The following NRG3 variants were observed in gnomAD, a reference collection of about 807,000 sequenced individuals.
NRG3 encodes pro-neuregulin-3, membrane-bound isoform.
A neutral mutation model predicts 66.9 loss-of-function variants in NRG3; 31 were observed. The observed-to-expected ratio is 0.46, with a 90% CI of 0.35 to 0.63. The LOEUF is 0.63. Among genes scored for constraint, NRG3 ranks in the 20% least tolerant of loss-of-function variants. The pLI, the probability that NRG3 is intolerant of heterozygous loss-of-function variation, is 0.00. For synonymous variants in NRG3, 393 were observed against 359.4 expected, an observed-to-expected ratio of 1.09 and a Z score of -1.06; for missense variants, 910 against 878.9, an observed-to-expected ratio of 1.04 and a Z score of -0.45.
At chr10:81,887,734 A>G (rs146709188) in intron 1 of NRG3, among the ~76,000 whole-genome samples, 1 of 152,142 alleles carries the variant, frequency 6.6e-6, no homozygotes. Context: ...CACAAATGCA[A>G]TGTTGGTCCA....
chr10:82,584,426 G>A (rs187775373), intron 2 of NRG3, among the ~76,000 whole-genome samples: 4 of 152,124 alleles, frequency 2.6e-5, no homozygotes, highest in Non-Finnish European at 4.4e-5. Flanking sequence ...CATTAAATTT[G>A]GGTGGCTTCC....
intron 1 of NRG3, among the ~76,000 whole-genome samples, chr10:82,007,304 G>C (rs2061411418): frequency 2.0e-5 from 3 of 150,862 alleles, no homozygotes; most frequent in African/African-American, 7.3e-5. Flanking sequence ...CCACCTCCCA[G>C]GTTCAGGTGA....
chr10:82,306,191 CTTGA>C (rs2080714585), intron 1 of NRG3, among the ~76,000 whole-genome samples: 2 of 152,136 alleles, frequency 1.3e-5, no homozygotes, highest in Admixed American at 6.5e-5. Context: ...TGTATTAACA[CTTGA>C]TCATGATGTA....
At chr10:82,802,129 C>G (rs372595795) in intron 3 of NRG3, among the ~76,000 whole-genome samples, 1 of 152,110 alleles carries the variant, frequency 6.6e-6, no homozygotes, top group Non-Finnish European at 1.5e-5. Flanking sequence ...AGTTTTTTAA[C>G]CAAATTCCTT....
intron 3 of NRG3, among the ~76,000 whole-genome samples, chr10:82,745,668 A>G (rs2058611397): frequency 6.6e-6 from 1 of 152,172 alleles, no homozygotes; most frequent in African/African-American, 2.4e-5. Context: ...TTTGATTGCT[A>G]ATATCTTCAA....
At chr10:82,168,911 C>CT (rs2072328595) in intron 1 of NRG3, among the ~76,000 whole-genome samples, 2 of 152,102 alleles carry the variant, frequency 1.3e-5, no homozygotes, top group South Asian at 4.1e-4. Flanking sequence ...TTTCTCTGGC[C>CT]TGCTGAGTCA....
intron 4 of NRG3, among the ~76,000 whole-genome samples, chr10:82,950,756 G>A (rs1344192885): frequency 6.6e-6 from 1 of 152,194 alleles, no homozygotes; most frequent in Non-Finnish European, 1.5e-5. Context: ...TGAGATGGAA[G>A]AATTGTTTAG....
intron 2 of NRG3, among the ~76,000 whole-genome samples, chr10:82,733,242 T>C (rs1393113861): frequency 1.3e-5 from 2 of 152,216 alleles, no homozygotes; most frequent in East Asian, 1.9e-4. Context: ...ATTCTTCATA[T>C]ATTTGTCTCT....
At chr10:82,653,848 G>A (rs1271031836) in intron 2 of NRG3, among the ~76,000 whole-genome samples, 1 of 152,174 alleles carries the variant, frequency 6.6e-6, no homozygotes, top group Non-Finnish European at 1.5e-5. Flanking sequence ...CTGAGCTACA[G>A]TACACAATCA....
chr10:82,127,618 G>A (rs967601839), intron 1 of NRG3, among the ~76,000 whole-genome samples: 4 of 152,000 alleles, frequency 2.6e-5, no homozygotes, highest in Admixed American at 1.3e-4. Flanking sequence ...TTGTAAATAT[G>A]CACAGTAAAC....
chr10:82,546,152 C>G (rs1365016425), intron 2 of NRG3, among the ~76,000 whole-genome samples: 1 of 152,098 alleles, frequency 6.6e-6, no homozygotes, highest in African/African-American at 2.4e-5. Flanking sequence ...TGTTGCAGTC[C>G]TCTTTTGAAA....
At chr10:82,835,836 G>A (rs2062746811) in intron 3 of NRG3, among the ~76,000 whole-genome samples, 1 of 152,122 alleles carries the variant, frequency 6.6e-6, no homozygotes, top group East Asian at 1.9e-4. Context: ...AGGTACTGAA[G>A]AAGAAAGAAT....
At chr10:82,569,120 C>T (rs2045586031) in intron 2 of NRG3, among the ~76,000 whole-genome samples, 1 of 151,670 alleles carries the variant, frequency 6.6e-6, no homozygotes, top group African/African-American at 2.4e-5. Context: ...GATGATGTAG[C>T]ATTATAGCCT....
intron 2 of NRG3, among the ~76,000 whole-genome samples, chr10:82,692,266 A>AG (rs1238092666): frequency 6.6e-6 from 1 of 151,968 alleles, no homozygotes; most frequent in East Asian, 1.9e-4. Flanking sequence ...AAAAAAAAAA[A>AG]AGTAACAATT....
At chr10:82,892,066 A>G (rs751638269) in intron 4 of NRG3, among the ~76,000 whole-genome samples, 1 of 152,128 alleles carries the variant, frequency 6.6e-6, no homozygotes, top group East Asian at 1.9e-4. Context: ...TTAGTTTTCA[A>G]GTGTTAAACC....
intron 2 of NRG3, among the ~76,000 whole-genome samples, chr10:82,654,233 A>C (rs2051669598): frequency 6.6e-6 from 1 of 152,176 alleles, no homozygotes; most frequent in African/African-American, 2.4e-5. Context: ...ACATTTTACT[A>C]TTCTCAAGAA....
At chr10:82,981,387 A>G (rs1852878279) in intron 8 of NRG3, among the ~76,000 whole-genome samples, 1 of 152,220 alleles carries the variant, frequency 6.6e-6, no homozygotes, top group South Asian at 2.1e-4. Flanking sequence ...CAGCACAATG[A>G]ATCTCAGGGA....
intron 3 of NRG3, among the ~76,000 whole-genome samples, chr10:82,790,710 G>A (rs2060551373): frequency 6.6e-6 from 1 of 151,878 alleles, no homozygotes; most frequent in South Asian, 2.1e-4. Flanking sequence ...TTATGCATAT[G>A]TCAGTGTGAT....
intron 3 of NRG3, among the ~76,000 whole-genome samples, chr10:82,741,754 C>A (rs1205019776): frequency 6.6e-6 from 1 of 152,070 alleles, no homozygotes; most frequent in Non-Finnish European, 1.5e-5. Flanking sequence ...GACCTGAGCT[C>A]CCAACTGAAG....
Sources: allele counts gnomAD v4.1 joint callset (sites outside exome capture counted in the v4.1 genomes callset), GRCh38; gene constraint gnomAD v4.1.1; transcripts MANE v1.5; gene names NCBI Gene and HGNC (gene_info 2026-07-23, HGNC 2026-07-21).